The following RIC3 variants were observed in gnomAD, a reference collection of about 807,000 sequenced individuals.
RIC3 encodes protein RIC-3.
A neutral mutation model predicts 27.3 loss-of-function variants in RIC3; 28 were observed. That is an observed-to-expected ratio of 1.02 (90% CI 0.76 to 1.41). RIC3 has a LOEUF of 1.41. Ranked by LOEUF, RIC3 falls within the 40% of genes most tolerant of loss-of-function variation. RIC3 has a pLI of 0.00. For missense variants in RIC3, 501 were observed against 444.7 expected (o/e 1.13, Z -1.14); for synonymous variants, 184 against 160.4 (o/e 1.15, Z -1.11).
the RIC3 span, among the ~76,000 whole-genome samples, chr11:8,095,178 C>T: frequency 6.6e-6 from 1 of 152,298 alleles, no homozygotes; most frequent in South Asian, 2.1e-4. Context: ...CTGGATCAGT[C>T]CTTGTTCTCC....
intron 1 of RIC3, among the ~76,000 whole-genome samples, chr11:8,150,622 T>C (rs556474875): frequency 1.2e-4 from 18 of 152,260 alleles, no homozygotes; most frequent in Admixed American, 1.0e-3. Flanking sequence ...TGGAAGAATA[T>C]TGTATTTATG....
the RIC3 span, among the ~76,000 whole-genome samples, chr11:8,099,919 C>A: frequency 3.9e-5 from 6 of 152,306 alleles, 1 homozygote; most frequent in East Asian, 1.2e-3. Context: ...AGAGGAAGGT[C>A]ATGGGGCCAC....
At chr11:8,127,575 T>G (rs1947139330) in intron 4 of RIC3, among the ~76,000 whole-genome samples, 1 of 152,166 alleles carries the variant, frequency 6.6e-6, no homozygotes, top group Non-Finnish European at 1.5e-5. Context: ...AACATGAGAC[T>G]CAAGGATAAC....
intron 1 of RIC3, among the ~76,000 whole-genome samples, chr11:8,164,104 T>G (rs1951449414): frequency 6.6e-6 from 1 of 151,808 alleles, no homozygotes; most frequent in Non-Finnish European, 1.5e-5. Flanking sequence ...AAAAGAAGAG[T>G]CTTTTCAACA....
intron 5 of RIC3, among the ~76,000 whole-genome samples, chr11:8,122,515 T>G (rs1946569372): frequency 6.6e-6 from 1 of 151,914 alleles, no homozygotes; most frequent in African/African-American, 2.4e-5. Flanking sequence ...TGTTTCCAGT[T>G]CTTGGCTATT....
chr11:8,157,109 A>G (rs1209605986), intron 1 of RIC3, among the ~76,000 whole-genome samples: 1 of 152,216 alleles, frequency 6.6e-6, no homozygotes, highest in African/African-American at 2.4e-5. Context: ...GAACACCAAC[A>G]TTAGACAAGG....
At chr11:8,099,727 T>A in the RIC3 span, among the ~76,000 whole-genome samples, 1 of 152,188 alleles carries the variant, frequency 6.6e-6, no homozygotes, top group African/African-American at 2.4e-5. Flanking sequence ...ATAAGAAATG[T>A]CAAGGTATGT....
rs1944958230 is a variant in RIC3, at chr11:8,108,961, G to A, written c.*1737C>T. The A allele has an allele frequency of 6.6e-6, 1 of 152,192 alleles. No individual in the cohort carries two copies. The highest frequency in any genetic ancestry group is 2.1e-4 in the South Asian group (1 of 4,832). 9.4% of individuals were successfully genotyped at this position (152,192 alleles called of 1,614,324 possible). A position where few individuals can be genotyped will look rare whatever the true frequency, so the allele number is the denominator to read the frequency against. On this transcript the variant is annotated 3_prime_UTR_variant, in exon 6 of 6. Coordinates refer to ENST00000309737, the MANE Select transcript of RIC3 (RefSeq NM_001206671.4). The stretch of plus-strand genomic sequence containing the variant: ...AAACAATTTATCTAAACAGTAAAGA[G>A]CACCTGTTATTTTTCACCTTTCGTG...
downstream of RIC3, chr11:8,102,106 T>A (rs1264670403): frequency 6.5e-6 from 1 of 154,242 alleles, no homozygotes; most frequent in Non-Finnish European, 1.4e-5. Context: ...AGCAAAGGGC[T>A]TGGTGGCCAA....
intron 1 of RIC3, among the ~76,000 whole-genome samples, chr11:8,161,791 A>C (rs1951186862): frequency 6.6e-6 from 1 of 152,066 alleles, no homozygotes; most frequent in Non-Finnish European, 1.5e-5. Flanking sequence ...CAATGACTTG[A>C]GGCCAGGAGT....
At chr11:8,118,246 C>G (rs1290126175) in intron 5 of RIC3, among the ~76,000 whole-genome samples, 1 of 145,864 alleles carries the variant, frequency 6.9e-6, no homozygotes, top group Non-Finnish European at 1.5e-5. Context: ...AAAAAAAAGA[C>G]CATCATTAAA....
intron 1 of RIC3, among the ~76,000 whole-genome samples, chr11:8,162,629 C>CTTCT (rs1951277131): frequency 1.2e-5 from 1 of 83,706 alleles, no homozygotes; most frequent in African/African-American, 4.5e-5. Flanking sequence ...CATGCTTCTT[C>CTTCT]TTTTTTTTTT....
the RIC3 span, chr11:8,098,630 G>A: frequency 1.5e-6 from 1 of 677,880 alleles, no homozygotes; most frequent in Non-Finnish European, 2.6e-6. Flanking sequence ...TGAGCAGTAT[G>A]CCTCCCTGGG....
chr11:8,135,906 T>C (rs145885135), intron 4 of RIC3: 1 of 152,338 alleles, frequency 6.6e-6, no homozygotes, highest in East Asian at 1.9e-4. Context: ...TTAGTCACAC[T>C]CATACAAATA....
chr11:8,119,656 C>T (rs1376115328), intron 5 of RIC3, among the ~76,000 whole-genome samples: 1 of 152,170 alleles, frequency 6.6e-6, no homozygotes, highest in Non-Finnish European at 1.5e-5. Context: ...ATGACTAAGA[C>T]ACCAAAAGCA....
chr11:8,111,147 A>C lies in RIC3; in HGVS notation c.671-10T>G. The C allele has an allele frequency of 6.5e-7, 1 of 1,543,084 alleles. No individual in the cohort carries two copies. Among genetic ancestry groups the C allele is most frequent in the Non-Finnish European group, 8.8e-7 (1 of 1,139,744 alleles). The stretch of plus-strand genomic sequence containing the variant: ...GTCTCTTCAGGGTAACCTAGAGAGA[A>C]AAGTAGCACAAAGTATTACAAAGAA... On this transcript the variant is annotated splice_polypyrimidine_tract_variant and intron_variant, in intron 5 of 5. Transcript: ENST00000309737.
Position 8,156,518 on chromosome 11 carries a change from C to G in RIC3, c.124+12348G>C, listed in dbSNP as rs185837355. 2.0e-5 allele frequency among the ~76,000 whole-genome samples: 3 copies of G among 152,204 alleles called. No individual in the cohort carries two copies. The South Asian group carries it at 6.2e-4, about 32-fold the overall frequency. ...AACAAATTCTGATTTTCCCTCCCCA[C>G]AAACTGAATTCCTAAACAACTGAAT... On this transcript the variant is annotated intron_variant, in intron 1 of 5. Transcript: ENST00000309737.
intron 2 of RIC3, chr11:8,139,676 T>C (rs1168546497): frequency 1.4e-5 from 3 of 208,314 alleles, no homozygotes; most frequent in African/African-American, 5.3e-5. Context: ...GGGGAGTGCA[T>C]TGAATTGTAT....
downstream of RIC3, chr11:8,101,418 C>T (rs563444890): frequency 1.1e-5 from 17 of 1,594,820 alleles, no homozygotes; most frequent in Admixed American, 1.7e-4. Flanking sequence ...GGGTGTCTGT[C>T]TATCCTTCCC....
Sources: gnomAD v4.1 joint callset for allele counts (sites outside exome capture counted in the v4.1 genomes callset) on GRCh38, gnomAD v4.1.1 for gene constraint, MANE v1.5 for transcripts, NCBI Gene and HGNC (gene_info 2026-07-23, HGNC 2026-07-21) for gene names.